Variants in DNMT3A observed in about 807,000 individuals in gnomAD.
DNMT3A encodes the protein DNA methyltransferase 3 alpha.
A neutral mutation model predicts 117.6 loss-of-function variants in DNMT3A; 267 were observed. The observed-to-expected ratio is 2.27, with a 90% CI of 2.05 to 2.51. DNMT3A has a LOEUF of 2.51. Ranked by LOEUF, DNMT3A falls within the 30% of genes most tolerant of loss-of-function variation. The pLI, the probability that DNMT3A is intolerant of heterozygous loss-of-function variation, is 0.00. For synonymous variants in DNMT3A, 432 were observed against 474.8 expected (o/e 0.91, Z 1.17); for missense variants, 1,029 against 1,260.2 (o/e 0.82, Z 2.78).
Position 25,237,078 on chromosome 2 carries a change from C to T in DNMT3A, c.2409-73G>A. On this transcript the variant is annotated intron_variant, in intron 20 of 22. Coordinates refer to ENST00000321117, the MANE Select transcript of DNMT3A (RefSeq NM_022552.5). This position sits in a 1 kb window ranked among gnomAD's most constrained non-coding sequence, Gnocchi z 5.4. Reference sequence around the variant, plus strand: ...GGGAAGGGCCCCAGCTGCACGACTCCCCTCCCTCCCCCAGCAGCCACTAGT... The same window carrying T: ...GGGAAGGGCCCCAGCTGCACGACTCTCCTCCCTCCCCCAGCAGCCACTAGT... 2.1e-6 allele frequency: 3 copies of T among 1,455,594 alleles called. No homozygotes were observed. The highest frequency in any genetic ancestry group is 1.2e-5 in the South Asian group (1 of 82,998). The allele number at this position is 1,455,594 out of a possible 1,614,324, so 90.2% of individuals were successfully genotyped here. A position where few individuals can be genotyped will look rare whatever the true frequency, so the allele number is the denominator to read the frequency against.
chr2:25,305,686 C>T lies in DNMT3A; in HGVS notation c.73-5443G>A, dbSNP rs2033746078. 6.6e-6 allele frequency among the ~76,000 whole-genome samples: 1 copy of T among 152,200 alleles called. No homozygotes were observed. The highest frequency in any genetic ancestry group is 6.5e-5 in the Admixed American group (1 of 15,284). On this transcript the variant is annotated intron_variant, in intron 2 of 22. Transcript: ENST00000321117. The surrounding 1 kb of genome is among the most constrained non-coding windows in gnomAD (Gnocchi z 4.1). Reference sequence around the variant, plus strand: ...TCGGTCTTTCTACTGCAACATGCCACTATACCCTACCATGTCAACAGGCAC... The same window carrying T: ...TCGGTCTTTCTACTGCAACATGCCATTATACCCTACCATGTCAACAGGCAC...
At chr2:25,274,121 C>G (rs1266288146) in intron 6 of DNMT3A, among the ~76,000 whole-genome samples, 10 of 152,246 alleles carry the variant, frequency 6.6e-5, no homozygotes, top group African/African-American at 2.4e-4. Flanking sequence ...CTGTCCCAAA[C>G]TCATCCTCCC....
In DNMT3A at chr2:25,237,117, G is replaced by T; in HGVS notation, c.2409-112C>A. On this transcript the variant is annotated intron_variant, in intron 20 of 22. Coordinates refer to ENST00000321117, the MANE Select transcript of DNMT3A (RefSeq NM_022552.5). The surrounding 1 kb of genome is among the most constrained non-coding windows in gnomAD (Gnocchi z 5.4). ...GCAGCCACTAGTTCACAGGGTAAGAGCCCCTTCCCCAAATCACGCACACAC... is the reference window on the plus strand; with the variant it reads ...GCAGCCACTAGTTCACAGGGTAAGATCCCCTTCCCCAAATCACGCACACAC... 1 of 1,040,062 alleles carries T rather than the reference G, an allele frequency of 9.6e-7. No individual in the cohort carries two copies. The highest frequency in any genetic ancestry group is 1.4e-6 in the Non-Finnish European group (1 of 704,152). The allele number at this position is 1,040,062 out of a possible 1,614,324, so 64.4% of individuals were successfully genotyped here. A position where few individuals can be genotyped will look rare whatever the true frequency, so the allele number is the denominator to read the frequency against.
chr2:25,257,754 T>G lies in DNMT3A; in HGVS notation c.640-9502A>C, dbSNP rs576132202. Among the ~76,000 whole-genome samples the G allele has an allele frequency of 3.9e-5, 6 of 152,222 alleles. No homozygotes were observed. Among genetic ancestry groups the G allele is most frequent in the African/African-American group, 1.4e-4 (6 of 41,452 alleles). On this transcript the variant is annotated intron_variant, in intron 6 of 22. Transcript: ENST00000321117. This position sits in a 1 kb window ranked among gnomAD's most constrained non-coding sequence, Gnocchi z 4.8. ...TTTAAAAATACAGATTCTTGGGGTCTACCTACGTAGATCAGCGGGCTTAAG... is the reference window on the plus strand; with the variant it reads ...TTTAAAAATACAGATTCTTGGGGTCGACCTACGTAGATCAGCGGGCTTAAG...
Position 25,341,879 on chromosome 2 carries a change from C to T in DNMT3A, c.-231G>A. On this transcript the variant is annotated 5_prime_UTR_variant, in exon 1 of 23. Transcript: ENST00000321117. ...GGCTGCGCGCCCTGGTGCCGCGGCGCCGCGTCCCGGCTCGTCCTCTGCTCT... is the reference window on the plus strand; with the variant it reads ...GGCTGCGCGCCCTGGTGCCGCGGCGTCGCGTCCCGGCTCGTCCTCTGCTCT... The T allele has an allele frequency of 1.0e-6, 1 of 980,188 alleles. No individual in the cohort carries two copies. The highest frequency in any genetic ancestry group is 1.8e-5 in the African/African-American group (1 of 56,542). 60.7% of individuals were successfully genotyped at this position (980,188 alleles called of 1,614,324 possible).
intron 1 of DNMT3A, chr2:25,314,548 CAGCTACGTT>C: frequency 3.0e-6 from 3 of 985,362 alleles, no homozygotes; most frequent in Non-Finnish European, 3.6e-6. Context: ...GCCCCTAGCC[CAGCTACGTT>C]TTCCTTCTAA....
At position 25,299,910 on chromosome 2, in the gene DNMT3A, A is replaced by G. The variant is rs567596180; in HGVS notation, c.177+229T>C. Among the ~76,000 whole-genome samples, 71 of 152,290 alleles carry G rather than the reference A, an allele frequency of 4.7e-4. 1 individual carries two copies. The South Asian group carries it at 0.014, about 31-fold the overall frequency. On this transcript the variant is annotated intron_variant, in intron 3 of 22. Transcript: ENST00000321117. ...CACGCCACTGCACTCCAGCCTGGGC[A>G]ACAGAGTGAGACTCCGTCTCAGTAA...
intron 2 of DNMT3A, among the ~76,000 whole-genome samples, chr2:25,312,507 C>A (rs1035165005): frequency 6.6e-6 from 1 of 152,134 alleles, no homozygotes; most frequent in African/African-American, 2.4e-5. Flanking sequence ...CATGTGCACT[C>A]CTGGGATGTG....
At chr2:25,241,851 C>A in intron 16 of DNMT3A, 144 bp from the exon 17 acceptor site, 1 of 1,057,912 alleles carries the variant, frequency 9.5e-7, no homozygotes, top group Non-Finnish European at 1.4e-6. Flanking sequence ...GCCTTAAATC[C>A]TTTCTGGATC....
intron 4 of DNMT3A, among the ~76,000 whole-genome samples, chr2:25,278,042 C>CACAAACAAACAG (rs1553422579): frequency 4.1e-5 from 6 of 146,294 alleles, no homozygotes; most frequent in African/African-American, 1.5e-4. Flanking sequence ...CACACACAGA[C>CACAAACAAACAG]ACACACGCTT....
At chr2:25,284,313 T>C (rs2032117554) in intron 3 of DNMT3A, among the ~76,000 whole-genome samples, 1 of 152,144 alleles carries the variant, frequency 6.6e-6, no homozygotes, top group Non-Finnish European at 1.5e-5. Context: ...TCTTGTCTTT[T>C]TTTTTCTACT....
In DNMT3A at chr2:25,237,743, C is replaced by A. The variant is rs1475398026; in HGVS notation, c.2409-738G>T. 1.3e-5 allele frequency among the ~76,000 whole-genome samples: 2 copies of A among 150,456 alleles called. No individual in the cohort carries two copies. The highest frequency in any genetic ancestry group is 4.9e-5 in the African/African-American group (2 of 40,752). On this transcript the variant is annotated intron_variant, in intron 20 of 22. Coordinates refer to ENST00000321117, the MANE Select transcript of DNMT3A (RefSeq NM_022552.5). The surrounding 1 kb of genome is among the most constrained non-coding windows in gnomAD (Gnocchi z 5.4). The stretch of plus-strand genomic sequence containing the variant: ...TGGCACCACTGCACTCCAGCCTGGG[C>A]GACAGAGCAAGACTCTGTCTCCAAA...
intron 3 of DNMT3A, among the ~76,000 whole-genome samples, chr2:25,290,320 A>ATTT (rs1249490029): frequency 2.4e-5 from 3 of 126,540 alleles, no homozygotes; most frequent in South Asian, 2.6e-4. Flanking sequence ...TATGGAAGTG[A>ATTT]TTTTTTTTTT....
At chr2:25,318,241 AC>A (rs2034458102) in intron 1 of DNMT3A, among the ~76,000 whole-genome samples, 1 of 152,110 alleles carries the variant, frequency 6.6e-6, no homozygotes, top group Admixed American at 6.5e-5. Flanking sequence ...TTGAAAACCA[AC>A]AAGTCCACTA....
At position 25,247,937 on chromosome 2, in the gene DNMT3A, G is replaced by C; in HGVS notation, c.855+100C>G. The C allele has an allele frequency of 2.6e-6, 4 of 1,554,828 alleles. No individual in the cohort carries two copies. Among genetic ancestry groups the C allele is most frequent in the Middle Eastern group, 2.3e-4 (1 of 4,300 alleles). ...GCCCGGGGTCAGGTGGAGAGAGCGAGCGGCCCGTGGGAGATGGAGAGAGGA... is the reference window on the plus strand; with the variant it reads ...GCCCGGGGTCAGGTGGAGAGAGCGACCGGCCCGTGGGAGATGGAGAGAGGA... On this transcript the variant is annotated intron_variant, in intron 7 of 22. Transcript: ENST00000321117. This position sits in a 1 kb window ranked among gnomAD's most constrained non-coding sequence, Gnocchi z 5.6.
At chr2:25,266,247 C>T (rs1250802552) in intron 6 of DNMT3A, among the ~76,000 whole-genome samples, 1 of 152,232 alleles carries the variant, frequency 6.6e-6, no homozygotes, top group African/African-American at 2.4e-5. Flanking sequence ...GCTGTGCCTA[C>T]TCCAAACATC....
intron 6 of DNMT3A, among the ~76,000 whole-genome samples, chr2:25,266,627 G>C (rs2030374228): frequency 6.6e-6 from 1 of 152,214 alleles, no homozygotes; most frequent in Non-Finnish European, 1.5e-5. Flanking sequence ...AGACTGCAGG[G>C]TTGTAAAGTC....
chr2:25,248,457 T>C (rs1274617918), intron 6 of DNMT3A, among the ~76,000 whole-genome samples: 1 of 152,182 alleles, frequency 6.6e-6, no homozygotes, highest in African/African-American at 2.4e-5. Flanking sequence ...CCAGCCTTCT[T>C]TTCTGCCTTT....
chr2:25,291,766 A>G (rs1558714588), intron 3 of DNMT3A, among the ~76,000 whole-genome samples: 1 of 152,224 alleles, frequency 6.6e-6, no homozygotes, highest in Non-Finnish European at 1.5e-5. Context: ...CTTAGAGGTC[A>G]CTCAGTCCAT....
Sources: allele counts gnomAD v4.1 joint callset (sites outside exome capture counted in the v4.1 genomes callset), GRCh38; gene constraint gnomAD v4.1.1; non-coding constraint Gnocchi (gnomAD v3.1); transcripts MANE v1.5; gene names NCBI Gene and HGNC (gene_info 2026-07-23, HGNC 2026-07-21).